MAGI1: variants seen among roughly 807,000 people sequenced by gnomAD.
MAGI1 encodes membrane-associated guanylate kinase, WW and PDZ domain-containing protein 1.
A neutral mutation model predicts 139.9 loss-of-function variants in MAGI1; 58 were observed. That is an observed-to-expected ratio of 0.41 (90% CI 0.34 to 0.52). The LOEUF is 0.52. Among genes scored for constraint, MAGI1 ranks in the 20% least tolerant of loss-of-function variants. The pLI, the probability that MAGI1 is intolerant of heterozygous loss-of-function variation, is 0.12. For synonymous variants in MAGI1, 812 were observed against 737.9 expected (o/e 1.10, Z -1.63); for missense variants, 1,874 against 1,901.6 (o/e 0.99, Z 0.27).
At chr3:65,900,686 C>T (rs1575932487) in intron 1 of MAGI1, among the ~76,000 whole-genome samples, 1 of 152,352 alleles carries the variant, frequency 6.6e-6, no homozygotes, top group Admixed American at 6.5e-5. Context: ...AATACCCTGT[C>T]TCCCCAGTCT....
intron 12 of MAGI1, among the ~76,000 whole-genome samples, chr3:65,427,258 G>A (rs538022998): frequency 1.3e-5 from 2 of 152,248 alleles, no homozygotes; most frequent in East Asian, 3.9e-4. Flanking sequence ...GCTGCAGTGA[G>A]CTGAGATGGC....
At chr3:65,992,134 G>T (rs2066215273) in intron 1 of MAGI1, among the ~76,000 whole-genome samples, 1 of 152,204 alleles carries the variant, frequency 6.6e-6, no homozygotes, top group African/African-American at 2.4e-5. Flanking sequence ...TCATGGGTAA[G>T]TTAACCTCAC....
intron 14 of MAGI1, among the ~76,000 whole-genome samples, chr3:65,385,230 C>T (rs1054580874): frequency 6.6e-6 from 1 of 152,092 alleles, no homozygotes; most frequent in Admixed American, 6.5e-5. Context: ...TTGTTCTATA[C>T]ACCACTCTGT....
intron 1 of MAGI1, among the ~76,000 whole-genome samples, chr3:66,034,441 A>G (rs2068804096): frequency 6.6e-6 from 1 of 152,258 alleles, no homozygotes; most frequent in African/African-American, 2.4e-5. Flanking sequence ...GAAAAAGAGA[A>G]TGCCCACGAA....
At chr3:65,734,467 A>G (rs1484841367) in intron 1 of MAGI1, among the ~76,000 whole-genome samples, 1 of 147,500 alleles carries the variant, frequency 6.8e-6, no homozygotes, top group Non-Finnish European at 1.5e-5. Context: ...CAAGAAAAAA[A>G]AAAAAAGAAA....
chr3:65,559,871 T>C (rs1218534996), intron 2 of MAGI1, among the ~76,000 whole-genome samples: 1 of 152,006 alleles, frequency 6.6e-6, no homozygotes, highest in African/African-American at 2.4e-5. Flanking sequence ...CCTATGTGTA[T>C]AAAATATACA....
At chr3:65,961,112 T>G (rs1560057855) in intron 1 of MAGI1, among the ~76,000 whole-genome samples, 1 of 152,228 alleles carries the variant, frequency 6.6e-6, no homozygotes, top group Admixed American at 6.5e-5. Context: ...ACCATTCATC[T>G]AGGGATAAGA....
chr3:65,852,805 C>T (rs113140468), intron 1 of MAGI1, among the ~76,000 whole-genome samples: 20,881 of 151,964 alleles, frequency 0.14, 4,232 homozygotes, highest in African/African-American at 0.45. Context: ...ACCTGGCCAA[C>T]AACAAATTTT....
intron 1 of MAGI1, among the ~76,000 whole-genome samples, chr3:65,852,750 G>A (rs1575711233): frequency 6.6e-6 from 1 of 151,732 alleles, no homozygotes; most frequent in African/African-American, 2.4e-5. Context: ...TGATCTGCCC[G>A]CCTAGGCCTC....
At chr3:65,691,120 G>C (rs1406985575) in intron 1 of MAGI1, among the ~76,000 whole-genome samples, 2 of 151,822 alleles carry the variant, frequency 1.3e-5, no homozygotes, top group South Asian at 2.1e-4. Flanking sequence ...GGCTAACACG[G>C]GGAAACCCCG....
intron 2 of MAGI1, among the ~76,000 whole-genome samples, chr3:65,594,409 A>G (rs1337787821): frequency 2.0e-5 from 3 of 152,238 alleles, no homozygotes; most frequent in South Asian, 4.1e-4. Context: ...AAACTTGTCA[A>G]CAAGACCGAG....
intron 2 of MAGI1, among the ~76,000 whole-genome samples, chr3:65,610,182 A>C (rs548507396): frequency 2.6e-5 from 4 of 152,278 alleles, no homozygotes; most frequent in Admixed American, 2.0e-4. Context: ...TCCTTGACTC[A>C]AGTGGATTGG....
intron 2 of MAGI1, among the ~76,000 whole-genome samples, chr3:65,536,499 G>A (rs1244738656): frequency 6.6e-6 from 1 of 152,146 alleles, no homozygotes; most frequent in Non-Finnish European, 1.5e-5. Flanking sequence ...ATAAAAAAAG[G>A]ATTCCAGGGT....
chr3:65,784,469 G>A (rs955164614), intron 1 of MAGI1, among the ~76,000 whole-genome samples: 1 of 152,226 alleles, frequency 6.6e-6, no homozygotes, highest in African/African-American at 2.4e-5. Flanking sequence ...TGTAATCCCA[G>A]CACTTTGGGA....
At chr3:65,639,826 A>C (rs2084884717) in intron 1 of MAGI1, among the ~76,000 whole-genome samples, 1 of 151,872 alleles carries the variant, frequency 6.6e-6, no homozygotes, top group African/African-American at 2.4e-5. Context: ...AACATGGAAA[A>C]ACCCCGTCTC....
chr3:65,697,368 A>T (rs2089297093), intron 1 of MAGI1, among the ~76,000 whole-genome samples: 1 of 149,336 alleles, frequency 6.7e-6, no homozygotes, highest in East Asian at 2.0e-4. Flanking sequence ...TCCCTAACTC[A>T]TTTTATGAGG....
At chr3:65,766,465 T>C (rs1171622889) in intron 1 of MAGI1, among the ~76,000 whole-genome samples, 1 of 152,062 alleles carries the variant, frequency 6.6e-6, no homozygotes, top group Admixed American at 6.5e-5. Flanking sequence ...CTATTCTCCA[T>C]GTTGGTCAGG....
At chr3:65,566,314 T>A (rs1244491961) in intron 2 of MAGI1, among the ~76,000 whole-genome samples, 1 of 152,150 alleles carries the variant, frequency 6.6e-6, no homozygotes, top group Non-Finnish European at 1.5e-5. Context: ...TAGGCACATG[T>A]CACTTATCTA....
chr3:65,373,931 G>T (rs1042865489), intron 18 of MAGI1, among the ~76,000 whole-genome samples: 1 of 152,074 alleles, frequency 6.6e-6, no homozygotes, highest in Non-Finnish European at 1.5e-5. Flanking sequence ...TTACTGTTTG[G>T]TTTTGCATTT....
Sources: allele counts gnomAD v4.1 joint callset (sites outside exome capture counted in the v4.1 genomes callset), GRCh38; gene constraint gnomAD v4.1.1; transcripts MANE v1.5; gene names NCBI Gene and HGNC (gene_info 2026-07-23, HGNC 2026-07-21).